The following ANKH variants were observed in gnomAD, a reference collection of about 807,000 sequenced individuals.
The protein encoded by ANKH is ANKH inorganic pyrophosphate transport regulator.
In ANKH, 15 loss-of-function variants were observed where a neutral mutation model predicts 49.0. The observed-to-expected ratio is 0.31, with a 90% CI of 0.20 to 0.47. ANKH has a LOEUF of 0.47. Among genes scored for constraint, ANKH ranks in the 20% least tolerant of loss-of-function variants. ANKH has a pLI of 1.00. For synonymous variants in ANKH, 273 were observed against 260.0 expected (o/e 1.05, Z -0.48); for missense variants, 429 against 652.0 (o/e 0.66, Z 3.72).
At chr5:14,803,405 G>A (rs1319280450) in intron 1 of ANKH, among the ~76,000 whole-genome samples, 1 of 151,794 alleles carries the variant, frequency 6.6e-6, no homozygotes, top group African/African-American at 2.4e-5. Flanking sequence ...TCAGCCTCCT[G>A]AGTAGCTGGG....
intron 1 of ANKH, among the ~76,000 whole-genome samples, chr5:14,853,469 C>T (rs548882660): frequency 7.7e-4 from 117 of 152,132 alleles, no homozygotes; most frequent in African/African-American, 2.5e-3. Context: ...CACAGCTACT[C>T]GGGTGGCTGA....
chr5:14,843,710 G>A (rs1404888360), intron 1 of ANKH, among the ~76,000 whole-genome samples: 2 of 152,192 alleles, frequency 1.3e-5, no homozygotes, highest in African/African-American at 4.8e-5. Flanking sequence ...CTATTACCTC[G>A]CCCTAACAAC....
intron 1 of ANKH, among the ~76,000 whole-genome samples, chr5:14,849,319 T>C (rs1265710626): frequency 1.3e-5 from 2 of 152,226 alleles, no homozygotes; most frequent in African/African-American, 2.4e-5. Flanking sequence ...CTTTGGGTAA[T>C]GGTAAGTAAT....
chr5:14,751,212 T>A lies in ANKH; in HGVS notation c.544A>T (p.Ser182Cys). The change falls in exon 5 of 12, where the codon AGT becomes TGT. Residue 182 changes from serine to cysteine, a missense_variant. This residue lies in a region of ANKH where 378 missense variants were observed against 615.3 expected (regional missense o/e 0.61). Transcript: ENST00000284268. ...QVVFVAILLH[S>C]HLECREPLLI... ...AGGGGCTCCCGGCATTCCAGGTGAC[T>A]GTGAAGCAAAATGGCTACAAAAACA... 2 of 1,614,146 alleles carry A rather than the reference T, an allele frequency of 1.2e-6. No homozygotes were observed. Among genetic ancestry groups the A allele is most frequent in the Non-Finnish European group, 1.7e-6 (2 of 1,180,030 alleles).
chr5:14,768,682 C>T, intron 2 of ANKH: 1 of 495,880 alleles, frequency 2.0e-6, no homozygotes, highest in Non-Finnish European at 3.7e-6. Flanking sequence ...AACGAAAGCA[C>T]CTGCTATTTT....
At chr5:14,788,332 C>T (rs1740044940) in intron 1 of ANKH, 2 of 152,332 alleles carry the variant, frequency 1.3e-5, no homozygotes, top group African/African-American at 2.4e-5. Flanking sequence ...GGGATTATCA[C>T]TGTCATGTAT....
Position 14,871,547 on chromosome 5 carries a change from C to T in ANKH, c.-100G>A, listed in dbSNP as rs1488564804. 7.8e-6 allele frequency: 6 copies of T among 770,892 alleles called. No homozygotes were observed. The highest frequency in any genetic ancestry group is 8.8e-6 in the Non-Finnish European group (5 of 570,444). The allele number at this position is 770,892 out of a possible 1,614,324, so 47.8% of individuals were successfully genotyped here. ...GGCGACGGGGCGAGCGGGGCGCGGG[C>T]CGACAGAGGCCGCGGGCGGCGGGGC... On this transcript the variant is annotated 5_prime_UTR_variant, in exon 1 of 12. Transcript: ENST00000284268.
chr5:14,807,009 T>C (rs1740726776), intron 1 of ANKH, among the ~76,000 whole-genome samples: 1 of 152,244 alleles, frequency 6.6e-6, no homozygotes, highest in Non-Finnish European at 1.5e-5. Flanking sequence ...CAAATGTTTC[T>C]TTTGTCTCTT....
intron 1 of ANKH, among the ~76,000 whole-genome samples, chr5:14,851,675 A>G (rs938187865): frequency 6.6e-6 from 1 of 152,242 alleles, no homozygotes; most frequent in Non-Finnish European, 1.5e-5. Context: ...TTTGTCTTAC[A>G]TTGGAGATGA....
chr5:14,757,782 T>C (rs1283827059), intron 3 of ANKH, among the ~76,000 whole-genome samples: 2 of 152,120 alleles, frequency 1.3e-5, no homozygotes, highest in South Asian at 2.1e-4. Context: ...ATTAAATAAA[T>C]TGACAAGATG....
At chr5:14,761,221 C>T (rs1411992216) in intron 2 of ANKH, among the ~76,000 whole-genome samples, 1 of 152,172 alleles carries the variant, frequency 6.6e-6, no homozygotes, top group African/African-American at 2.4e-5. Context: ...AACACCTTGA[C>T]CTCGGACTTC....
At chr5:14,728,475 A>G (rs1389218226) in intron 8 of ANKH, among the ~76,000 whole-genome samples, 1 of 152,152 alleles carries the variant, frequency 6.6e-6, no homozygotes, top group Non-Finnish European at 1.5e-5. Context: ...TACACAAGAG[A>G]GGCATTTTCT....
At chr5:14,748,105 G>A (rs955287082) in intron 6 of ANKH, among the ~76,000 whole-genome samples, 1 of 151,900 alleles carries the variant, frequency 6.6e-6, no homozygotes, top group African/African-American at 2.4e-5. Flanking sequence ...TTTTTTAAAG[G>A]GGTGGATGGA....
chr5:14,712,579 A>G (rs1201305582), intron 11 of ANKH, among the ~76,000 whole-genome samples: 1 of 152,266 alleles, frequency 6.6e-6, no homozygotes, highest in Non-Finnish European at 1.5e-5. Context: ...AGCAAGCCAT[A>G]GGCTGAATTT....
rs117440720 is a variant in ANKH, at chr5:14,778,463, C to T, written c.97-9272G>A. ...GCCCTCTGAGTTCTTTGACCTCCTC[C>T]GCGCCAGTGACCTCTACTCTGCTTC... On this transcript the variant is annotated intron_variant, in intron 1 of 11. Transcript: ENST00000284268. 4.0e-3 allele frequency among the ~76,000 whole-genome samples: 604 copies of T among 152,230 alleles called. 7 individuals carry two copies. Among genetic ancestry groups the T allele is most frequent in the East Asian group, 0.034 (178 of 5,182 alleles).
chr5:14,787,362 TAAGTTGC>T (rs1334592374), intron 1 of ANKH, among the ~76,000 whole-genome samples: 8 of 151,790 alleles, frequency 5.3e-5, no homozygotes, highest in Admixed American at 5.2e-4. Flanking sequence ...TAAGTAGAAG[TAAGTTGC>T]AAGTCAAGCA....
intron 1 of ANKH, among the ~76,000 whole-genome samples, chr5:14,864,279 G>C (rs1436495694): frequency 6.6e-6 from 1 of 152,156 alleles, no homozygotes; most frequent in Non-Finnish European, 1.5e-5. Context: ...TTTAAATATT[G>C]TTTCTGTATG....
At position 14,745,346 on chromosome 5, in the gene ANKH, T is replaced by TGG. The variant is rs1738497400; in HGVS notation, c.915+522_915+523dup. Among the ~76,000 whole-genome samples the TGG allele has an allele frequency of 6.6e-6, 1 of 152,148 alleles. No individual in the cohort carries two copies. The highest frequency in any genetic ancestry group is 1.9e-4 in the East Asian group (1 of 5,196). ...AGAAGGGTTATGTGACTCCCATGGC[T>TGG]GGGGAGACAGAGCAGCTGTCAACAG... On this transcript the variant is annotated intron_variant, in intron 7 of 11. Transcript: ENST00000284268. The surrounding 1 kb of genome is among the most constrained non-coding windows in gnomAD (Gnocchi z 4.7).
chr5:14,726,004 C>G (rs1348804591), intron 8 of ANKH, among the ~76,000 whole-genome samples: 2 of 152,176 alleles, frequency 1.3e-5, no homozygotes, highest in Admixed American at 6.5e-5. Flanking sequence ...CGGATATCAT[C>G]AAACTTCAAA....
Sources: gnomAD v4.1 joint callset for allele counts (sites outside exome capture counted in the v4.1 genomes callset) on GRCh38, gnomAD v4.1.1 for gene constraint, gnomAD v4.1.1 regional missense constraint, Gnocchi (gnomAD v3.1) non-coding constraint, MANE v1.5 for transcripts, NCBI Gene and HGNC (gene_info 2026-07-23, HGNC 2026-07-21) for gene names.